Variants in ARFGEF2 observed in about 807,000 individuals in gnomAD.
The protein encoded by ARFGEF2 is brefeldin A-inhibited guanine nucleotide-exchange protein 2.
A neutral mutation model predicts 219.9 loss-of-function variants in ARFGEF2; 74 were observed. That is an observed-to-expected ratio of 0.34 (90% CI 0.28 to 0.41). The LOEUF is 0.41. Among genes scored for constraint, ARFGEF2 ranks in the 10% least tolerant of loss-of-function variants. ARFGEF2 has a pLI of 1.00. For missense variants in ARFGEF2, 1,743 were observed against 2,218.3 expected, an observed-to-expected ratio of 0.79 and a Z score of 4.30; for synonymous variants, 733 against 799.2, an observed-to-expected ratio of 0.92 and a Z score of 1.40.
intron 26 of ARFGEF2, among the ~76,000 whole-genome samples, chr20:49,009,529 C>T (rs2091483128): frequency 6.6e-6 from 1 of 152,046 alleles, no homozygotes; most frequent in Admixed American, 6.6e-5. Context: ...ACTATCGAAG[C>T]AGTAGGCTTA....
intron 36 of ARFGEF2, among the ~76,000 whole-genome samples, chr20:49,026,584 C>CTTT (rs540361594): frequency 3.0e-5 from 4 of 131,560 alleles, no homozygotes; most frequent in African/African-American, 5.6e-5. Context: ...TTTACCATTA[C>CTTT]TTTTTTTTTT....
At chr20:49,020,385 T>C (rs1270384688) in intron 34 of ARFGEF2, among the ~76,000 whole-genome samples, 1 of 152,212 alleles carries the variant, frequency 6.6e-6, no homozygotes, top group African/African-American at 2.4e-5. Flanking sequence ...TGGCATGCTG[T>C]CTTTCACTAA....
chr20:48,922,788 T>C (rs2090851537), intron 1 of ARFGEF2, among the ~76,000 whole-genome samples: 1 of 152,226 alleles, frequency 6.6e-6, no homozygotes, highest in African/African-American at 2.4e-5. Context: ...TATCTTTCAG[T>C]TTTAATCATT....
intron 14 of ARFGEF2, among the ~76,000 whole-genome samples, chr20:48,980,805 C>T (rs929422011): frequency 3.9e-5 from 6 of 152,052 alleles, no homozygotes; most frequent in Non-Finnish European, 7.4e-5. Flanking sequence ...GGATTGCAAC[C>T]CATGCTTTTT....
At chr20:49,021,306 CTTAAAG>C in intron 34 of ARFGEF2, among the ~76,000 whole-genome samples, 1 of 151,806 alleles carries the variant, frequency 6.6e-6, no homozygotes, top group Non-Finnish European at 1.5e-5. Context: ...CTTTCAAAAA[CTTAAAG>C]ACAACTCAAC....
At chr20:49,009,665 T>C (rs1453988802) in intron 26 of ARFGEF2, among the ~76,000 whole-genome samples, 1 of 152,222 alleles carries the variant, frequency 6.6e-6, no homozygotes, top group Non-Finnish European at 1.5e-5. Flanking sequence ...CAGGTTTTAC[T>C]TTATAATAAT....
intron 6 of ARFGEF2, among the ~76,000 whole-genome samples, chr20:48,957,659 C>A (rs181615006): frequency 1.6e-4 from 24 of 152,346 alleles, no homozygotes; most frequent in Admixed American, 2.0e-4. Flanking sequence ...GTTATCACAA[C>A]ATCCAGAAAA....
chr20:48,977,923 A>G (rs2091272126), intron 14 of ARFGEF2, among the ~76,000 whole-genome samples: 1 of 152,080 alleles, frequency 6.6e-6, no homozygotes, highest in African/African-American at 2.4e-5. Flanking sequence ...CCCATTCTGT[A>G]GGTTGCCTGT....
rs138719365 is a variant in ARFGEF2, at chr20:48,945,594, T to A, written c.276+3607T>A. 1.1e-4 allele frequency among the ~76,000 whole-genome samples: 16 copies of A among 152,328 alleles called. No individual in the cohort carries two copies. In the East Asian group the frequency reaches 2.9e-3, roughly 28 times the overall value. On this transcript the variant is annotated intron_variant, in intron 3 of 38. Coordinates refer to ENST00000371917, the MANE Select transcript of ARFGEF2 (RefSeq NM_006420.3). ...GAATGGAAGTTCTGGCTGGGTGCAG[T>A]GGCTCACGCCTGTAATCCCAGCACT...
intron 21 of ARFGEF2, among the ~76,000 whole-genome samples, chr20:48,992,725 A>C (rs769913062): frequency 2.0e-5 from 3 of 151,926 alleles, no homozygotes; most frequent in Admixed American, 6.6e-5. Flanking sequence ...CTCTGTCACA[A>C]CTCTGAGTAG....
chr20:48,963,992 G>T (rs554775131), intron 7 of ARFGEF2, 94 bp downstream of exon 7: 3 of 1,165,684 alleles, frequency 2.6e-6, no homozygotes, highest in South Asian at 2.6e-5. Flanking sequence ...CCTCTTCCCT[G>T]CCCTAAGAAC....
At chr20:48,969,682 G>A (rs982236625) in intron 9 of ARFGEF2, among the ~76,000 whole-genome samples, 1 of 152,156 alleles carries the variant, frequency 6.6e-6, no homozygotes, top group African/African-American at 2.4e-5. Flanking sequence ...CCCCAGATTC[G>A]ACACAGGGAA....
At position 48,952,855 on chromosome 20, in the gene ARFGEF2, G is replaced by A. The variant is rs1309085044; in HGVS notation, c.574G>A (p.Val192Ile). The change falls in exon 5 of 39, where the codon GTC becomes ATC. Residue 192 changes from valine to isoleucine, a missense_variant. Physicochemically the swap from Val to Ile is conservative, Grantham distance 29 (BLOSUM62 3). Transcript: ENST00000371917. ...AKATLTQMLN[V>I]IFTRMENQVL... ...GGCTACCCTTACTCAGATGCTGAAC[G>A]TCATTTTCACCCGCATGGAAAACCA... 1.9e-6 allele frequency: 3 copies of A among 1,614,094 alleles called. No individual in the cohort carries two copies. Among genetic ancestry groups the A allele is most frequent in the Admixed American group, 1.7e-5 (1 of 60,008 alleles).
Position 48,965,920 on chromosome 20 carries a change from A to G in ARFGEF2, c.956A>G (p.Glu319Gly). The change falls in exon 8 of 39, where the codon GAA (glutamate) becomes GGA (glycine). Residue 319 changes from glutamate (E) to glycine (G), a missense_variant. By Grantham distance (98) the Glu-to-Gly change is moderately conservative. This residue lies in a region of ARFGEF2 where 394 missense variants were observed against 426.6 expected (regional missense o/e 0.92). Transcript: ENST00000371917. ...GLTEPERVLG[E>G]LECQECAIPP... The stretch of plus-strand genomic sequence containing the variant: ...ACAGAACCTGAGAGAGTTCTAGGTG[A>G]ACTGGAGTGCCAGGAATGTGCTATT... 6.2e-7 allele frequency: 1 copy of G among 1,614,246 alleles called. No individual in the cohort carries two copies. The highest frequency in any genetic ancestry group is 8.5e-7 in the Non-Finnish European group (1 of 1,180,038).
At chr20:48,968,134 C>T (rs6019559) in intron 8 of ARFGEF2, among the ~76,000 whole-genome samples, 48,297 of 151,358 alleles carry the variant, frequency 0.32, 7,919 homozygotes, top group East Asian at 0.48. Context: ...GCTGGGACTA[C>T]AGGTGCCCAC....
chr20:49,013,881 A>G lies in ARFGEF2; in HGVS notation c.4100A>G (p.Glu1367Gly), dbSNP rs2091515592. 1 of 1,614,076 alleles carries G rather than the reference A, an allele frequency of 6.2e-7. No individual in the cohort carries two copies. The highest frequency in any genetic ancestry group is 8.5e-7 in the Non-Finnish European group (1 of 1,179,990). The change falls in exon 30 of 39, where the codon GAA (glutamate) becomes GGA (glycine). Residue 1367 changes from glutamate (E) to glycine (G), a missense_variant. Glu to Gly is a moderately conservative substitution (Grantham distance 98). This residue lies in a region of ARFGEF2 where 578 missense variants were observed against 664.0 expected (regional missense o/e 0.87). Transcript: ENST00000371917. Reference protein sequence around the residue: ...EIMKSYGHTFEKHWWQDLFRI... With the variant: ...EIMKSYGHTFGKHWWQDLFRI... ...ATGAAGAGCTATGGCCACACCTTTG[A>G]AAAGCACTGGTGGCAGGACCTGTTC...
At chr20:49,018,368 TG>T (rs2091544161) in intron 33 of ARFGEF2, among the ~76,000 whole-genome samples, 1 of 152,138 alleles carries the variant, frequency 6.6e-6, no homozygotes, top group Admixed American at 6.6e-5. Flanking sequence ...GCCAAGTAGC[TG>T]GGATTACAGG....
chr20:48,960,395 G>C (rs1035079154), intron 6 of ARFGEF2, among the ~76,000 whole-genome samples: 2 of 152,166 alleles, frequency 1.3e-5, no homozygotes, highest in Admixed American at 6.5e-5. Flanking sequence ...TGAGCAGTGA[G>C]TGAATGTGAA....
intron 14 of ARFGEF2, among the ~76,000 whole-genome samples, chr20:48,980,915 A>C (rs1568719231): frequency 6.6e-6 from 1 of 151,648 alleles, no homozygotes; most frequent in African/African-American, 2.4e-5. Flanking sequence ...TAGCACACTG[A>C]GGTCTTGACT....
Sources: allele counts gnomAD v4.1 joint callset (sites outside exome capture counted in the v4.1 genomes callset), GRCh38; gene constraint gnomAD v4.1.1; regional missense constraint gnomAD v4.1.1; transcripts MANE v1.5; gene names NCBI Gene and HGNC (gene_info 2026-07-23, HGNC 2026-07-21).